Variants in CDHR3 observed in about 807,000 individuals in gnomAD.
CDHR3 encodes cadherin related family member 3.
CDHR3 carries 79 observed loss-of-function variants against 86.6 expected under a neutral mutation model. The observed-to-expected ratio is 0.91, with a 90% confidence interval of 0.76 to 1.10. CDHR3 has a LOEUF of 1.10. Among genes scored for constraint, CDHR3 ranks in the 50% least tolerant of loss-of-function variants. CDHR3 has a pLI of 0.00. For synonymous variants in CDHR3, 421 were observed against 402.4 expected (o/e 1.05, Z -0.55); for missense variants, 1,081 against 1,077.6 (o/e 1.00, Z -0.04).
rs1245811534 is a variant in CDHR3, at chr7:106,023,614, G to A, written c.2077-767G>A. Among the ~76,000 whole-genome samples, 4 of 152,162 alleles carry A rather than the reference G, an allele frequency of 2.6e-5. No homozygotes were observed. The South Asian group carries it at 6.2e-4, about 24-fold the overall frequency. ...GTCAGCAGCCTGATACCTGCAGCAT[G>A]CCAGAAGGAAGATAATCAGAACCTT... is the stretch of plus-strand genomic sequence containing the variant. On this transcript the variant is annotated intron_variant, in intron 14 of 18. Coordinates refer to ENST00000317716, the MANE Select transcript of CDHR3 (RefSeq NM_152750.5).
At position 106,030,038 on chromosome 7, in the gene CDHR3, A is replaced by T. The variant is rs1163941161; in HGVS notation, c.2305-754A>T. On this transcript the variant is annotated intron_variant, in intron 17 of 18. Transcript: ENST00000317716. This position sits in a 1 kb window ranked among gnomAD's most constrained non-coding sequence, Gnocchi z 4.8. ...GGAGTTGTGGGGAACTAGGTAGGGG[A>T]TCCTTTAAGTGATAAAAACTGGAGA... 2.6e-5 allele frequency among the ~76,000 whole-genome samples: 4 copies of T among 152,110 alleles called. No individual in the cohort carries two copies. The highest frequency in any genetic ancestry group is 2.9e-5 in the Non-Finnish European group (2 of 68,032).
chr7:106,009,644 T>A (rs1834474666), intron 8 of CDHR3, among the ~76,000 whole-genome samples: 2 of 152,014 alleles, frequency 1.3e-5, no homozygotes, highest in Non-Finnish European at 2.9e-5. Context: ...GAGGGCGGCG[T>A]GGAGGAGGCG....
chr7:106,015,372 G>T (rs1563289586), intron 10 of CDHR3, among the ~76,000 whole-genome samples, 159 bp downstream of exon 10: 1 of 152,138 alleles, frequency 6.6e-6, no homozygotes, highest in Admixed American at 6.5e-5. Flanking sequence ...ACACTTAAGA[G>T]TCTTTGAAGG....
At chr7:106,012,740 T>G in intron 8 of CDHR3, 120 bp from the exon 9 acceptor site, 1 of 1,117,672 alleles carries the variant, frequency 8.9e-7, no homozygotes, top group Non-Finnish European at 1.3e-6. Flanking sequence ...GTGACTGCAA[T>G]GACCATGGAC....
chr7:105,972,495 G>A (rs954420640), intron 1 of CDHR3, among the ~76,000 whole-genome samples: 4 of 152,158 alleles, frequency 2.6e-5, no homozygotes, highest in Non-Finnish European at 5.9e-5. Flanking sequence ...TTCCTGTACA[G>A]CTGTCCTTGT....
chr7:106,029,536 TC>T (rs1838000148), intron 17 of CDHR3, among the ~76,000 whole-genome samples: 1 of 147,024 alleles, frequency 6.8e-6, no homozygotes, highest in Non-Finnish European at 1.5e-5. Flanking sequence ...AAGTTCCCTC[TC>T]CTCCACCTCT....
intron 4 of CDHR3, among the ~76,000 whole-genome samples, chr7:105,989,749 G>A (rs767613423): frequency 1.5e-4 from 23 of 152,112 alleles, no homozygotes; most frequent in Non-Finnish European, 3.2e-4. Flanking sequence ...GAACTGAGGG[G>A]TCAGGTAACT....
intron 4 of CDHR3, among the ~76,000 whole-genome samples, chr7:105,987,404 A>G (rs1830681304): frequency 6.6e-6 from 1 of 152,240 alleles, no homozygotes; most frequent in Non-Finnish European, 1.5e-5. Flanking sequence ...AATCTGGAAG[A>G]AAACTTTCTC....
chr7:106,018,223 A>G (rs1276229264), intron 12 of CDHR3, among the ~76,000 whole-genome samples, 151 bp downstream of exon 12: 1 of 152,162 alleles, frequency 6.6e-6, no homozygotes, highest in Non-Finnish European at 1.5e-5. Flanking sequence ...GCCCTGGGAA[A>G]TAAAGATCCA....
At chr7:105,975,132 A>T in intron 2 of CDHR3, 86 bp downstream of exon 2, 3 of 1,123,320 alleles carry the variant, frequency 2.7e-6, no homozygotes, top group Non-Finnish European at 4.1e-6. Context: ...ATCAGTGATT[A>T]ATTCCTCCAT....
chr7:106,022,354 G>A lies in CDHR3; in HGVS notation c.1982G>A (p.Arg661Lys), dbSNP rs1836698795. The A allele has an allele frequency of 6.2e-7, 1 of 1,613,902 alleles. No individual in the cohort carries two copies. The highest frequency in any genetic ancestry group is 1.3e-5 in the African/African-American group (1 of 74,922). Residue 661 changes from arginine to lysine, a missense_variant, in exon 14 of 19, where the codon AGG (arginine) becomes AAG (lysine). Coordinates refer to ENST00000317716, the MANE Select transcript of CDHR3 (RefSeq NM_152750.5). ...ACTGATGACAACTTGATGTCTGACA[G>A]GAAGAAAGCGGAGGCTCTTGTTGAG... ...YVTDDNLMSD[R>K]KKAEALVETG...
At chr7:106,008,699 GC>G (rs1834317476) in intron 8 of CDHR3, among the ~76,000 whole-genome samples, 1 of 152,140 alleles carries the variant, frequency 6.6e-6, no homozygotes, top group African/African-American at 2.4e-5. Flanking sequence ...AGATGTCTGG[GC>G]CCAGGGGATG....
intron 13 of CDHR3, among the ~76,000 whole-genome samples, chr7:106,020,952 C>T (rs894757064): frequency 1.7e-4 from 26 of 152,158 alleles, no homozygotes; most frequent in Non-Finnish European, 4.4e-5. Context: ...TTCCTGACTA[C>T]AGTATGAGTC....
rs79686695 is a variant in CDHR3 at position 106,013,004 on chromosome 7, G to A, written c.1197G>A (p.Gln399=). The change falls in exon 9 of 19, where the codon CAG becomes CAA. Residue 399 remains glutamine (Q), a synonymous_variant. Coordinates refer to ENST00000317716, the MANE Select transcript of CDHR3 (RefSeq NM_152750.5). ...TGGGGAGCGGCAGCAGATTTTTACA[G>A]GATCCAGCTGGCTCTGGGAAGATTG... The part of the protein sequence containing the change: ...SGVGSGSRFL[Q]DPAGSGKIVL... The A allele has an allele frequency of 2.9e-3, 4,659 of 1,609,180 alleles. 110 individuals are homozygous for A. The African/African-American group carries it at 0.053, about 18-fold the overall frequency.
In CDHR3 at chr7:106,033,519, A is replaced by C. The variant is rs887253387; in HGVS notation, c.*822A>C. 17 of 152,230 alleles carry C rather than the reference A, an allele frequency of 1.1e-4. No homozygotes were observed. The highest frequency in any genetic ancestry group is 4.1e-4 in the African/African-American group (17 of 41,458). 9.4% of individuals were successfully genotyped at this position (152,230 alleles called of 1,614,324 possible). A position where few individuals can be genotyped will look rare whatever the true frequency, so the allele number is the denominator to read the frequency against. ...AGCACTTTGCCAAGGTGGGCAGATC[A>C]CCTAAGGTCAGGAGTTCAAGATCAG... On this transcript the variant is annotated 3_prime_UTR_variant, in exon 19 of 19. Coordinates refer to ENST00000317716, the MANE Select transcript of CDHR3 (RefSeq NM_152750.5).
chr7:106,006,005 C>G (rs1181756289), intron 8 of CDHR3, among the ~76,000 whole-genome samples: 1 of 150,322 alleles, frequency 6.7e-6, no homozygotes, highest in Non-Finnish European at 1.5e-5. Context: ...TTTAATTGGA[C>G]TTACAGTTCC....
chr7:106,008,400 G>A (rs184785265), intron 8 of CDHR3, among the ~76,000 whole-genome samples: 3 of 152,290 alleles, frequency 2.0e-5, no homozygotes, highest in East Asian at 3.9e-4. Flanking sequence ...CCTGGGCCTA[G>A]TGGTGGTAAG....
At chr7:106,022,590 T>C (rs761353643) in intron 14 of CDHR3, 142 bp downstream of exon 14, 2 of 1,235,032 alleles carry the variant, frequency 1.6e-6, no homozygotes, top group Non-Finnish European at 2.3e-6. Flanking sequence ...AACCATGGGC[T>C]GGACTGGAGT....
At chr7:106,029,579 T>TC (rs1554533186) in intron 17 of CDHR3, among the ~76,000 whole-genome samples, 39 of 151,742 alleles carry the variant, frequency 2.6e-4, no homozygotes, top group African/African-American at 5.6e-4. Flanking sequence ...TCTCTCTCTC[T>TC]TTGACAGAAC....
Sources: allele counts gnomAD v4.1 joint callset (sites outside exome capture counted in the v4.1 genomes callset), GRCh38; gene constraint gnomAD v4.1.1; non-coding constraint Gnocchi (gnomAD v3.1); transcripts MANE v1.5; gene names NCBI Gene and HGNC (gene_info 2026-07-23, HGNC 2026-07-21).